The following TTN variants were observed in gnomAD, a reference collection of about 807,000 sequenced individuals.
The protein encoded by TTN is titin, also known as connectin.
A neutral mutation model predicts 3,223.0 loss-of-function variants in TTN; 1,525 were observed. The observed-to-expected ratio is 0.47, with a 90% CI of 0.45 to 0.49. TTN has a LOEUF of 0.49. Ranked by LOEUF, TTN falls within the 20% of genes least tolerant of loss-of-function variation. TTN has a pLI of 0.00. For synonymous variants in TTN, 14,094 were observed against 15,161.0 expected (o/e 0.93, Z 5.17); for missense variants, 40,786 against 43,424.0 (o/e 0.94, Z 5.40).
At chr2:178,663,540 C>A (rs774034492) in intron 171 of TTN, 24 bp from the exon 172 acceptor site, 1 of 1,613,486 alleles carries the variant, frequency 6.2e-7, no homozygotes, top group Non-Finnish European at 8.5e-7. Flanking sequence ...AGTGAAATTA[C>A]ATTTAGGCAT....
At position 178,598,664 on chromosome 2, in the gene TTN, G is replaced by A. The variant is rs1183720113; in HGVS notation, c.56963-10C>T. On this transcript the variant is annotated splice_polypyrimidine_tract_variant and intron_variant, in intron 291 of 362. Transcript: ENST00000589042. ...GGAGGACCAGGAGGGGCTGCAAAGA[G>A]CCAGTATACGTTAGTATTCTTGACT... 4 of 1,600,708 alleles carry A rather than the reference G, an allele frequency of 2.5e-6. No individual in the cohort carries two copies.
intron 142 of TTN, 139 bp from the exon 143 acceptor site, chr2:178,678,969 C>T (rs1375115954): frequency 5.6e-6 from 4 of 710,910 alleles, no homozygotes; most frequent in Non-Finnish European, 9.1e-6. Context: ...ATAATAGCCA[C>T]AAAACAAAGG....
chr2:178,612,057 C>T lies in TTN; in HGVS notation c.50354G>A (p.Arg16785Lys). Residue 16785 changes from arginine (R) to lysine (K), a missense_variant and splice_region_variant, in exon 267 of 363, where the codon AGA (arginine) becomes AAA (lysine). By Grantham distance (26) the Arg-to-Lys change is conservative. Transcript: ENST00000589042. ...CTTTATGAATTAATTCAAATTCTAC[C>T]TCTGTATTGGTCTTCCACCATCATT... is the stretch of plus-strand genomic sequence containing the variant. ...PKNDGGRPIQ[R>K]YVIEKKERLG... The T allele has an allele frequency of 6.2e-7, 1 of 1,607,786 alleles. No individual in the cohort carries two copies. Among genetic ancestry groups the T allele is most frequent in the Non-Finnish European group, 8.5e-7 (1 of 1,177,620 alleles).
rs190491982 is a variant in TTN, at chr2:178,685,512, G to A, written c.32392+6C>T. ...AGGGATAAAACTAATTAAAGAGTCA[G>A]CATACCTTCAGCTGGCTCAGCTTCC... On this transcript the variant is annotated splice_donor_region_variant and intron_variant, in intron 128 of 362. Transcript: ENST00000589042. The A allele has an allele frequency of 1.6e-5, 26 of 1,610,224 alleles. No homozygotes were observed. In the East Asian group the frequency reaches 4.9e-4, roughly 30 times the overall value.
In TTN at chr2:178,775,039, A is replaced by G. The variant is rs777786677; in HGVS notation, c.6672T>C (p.Ser2224=). The change falls in exon 29 of 363, where the codon TCT becomes TCC. Residue 2224 remains serine, a synonymous_variant. Coordinates refer to ENST00000589042, the MANE Select transcript of TTN (RefSeq NM_001267550.2). ...TGGAGAGGAAGTGAACCTTTCTGTC[A>G]GAGTGCATCCTGTATTTATCTCCCT... is the stretch of plus-strand genomic sequence containing the variant. ...VHEGDKYRMH[S]DRKVHFLSIL... The G allele has an allele frequency of 1.2e-6, 2 of 1,614,056 alleles. No individual in the cohort carries two copies. The highest frequency in any genetic ancestry group is 4.5e-5 in the East Asian group (2 of 44,838).
In TTN at chr2:178,533,021, CCTT is replaced by C. The variant is rs775651385; in HGVS notation, c.103591_103593del (p.Lys34531del). 6 of 1,613,784 alleles carry C rather than the reference CCTT, an allele frequency of 3.7e-6. No homozygotes were observed. Among genetic ancestry groups the C allele is most frequent in the East Asian group, 4.5e-5 (2 of 44,868 alleles). On this transcript the variant is annotated inframe_deletion, in exon 358 of 363. Transcript: ENST00000589042. ...TAAGGCATCCGGAGTTTTCTCTCCT[CCTT>C]CTTTTCTTCTATCTCAAGTCTGAAT...
At position 178,616,478 on chromosome 2, in the gene TTN, C is replaced by A. The variant is rs1156777884; in HGVS notation, c.48312+1G>T. 6.2e-7 allele frequency: 1 copy of A among 1,612,042 alleles called. No homozygotes were observed. Reference sequence around the variant, plus strand: ...TTGATGCAGTGCTGCTCAAAACTCACTTTAGTCCATGTTTTCCGGCTGACT... The same window carrying A: ...TTGATGCAGTGCTGCTCAAAACTCAATTTAGTCCATGTTTTCCGGCTGACT... On this transcript the variant is annotated splice_donor_variant, in intron 257 of 362. Coordinates refer to ENST00000589042, the MANE Select transcript of TTN (RefSeq NM_001267550.2). LOFTEE classifies it high-confidence loss of function.
At position 178,729,580 on chromosome 2, in the gene TTN, A is replaced by C. The variant is rs781455893; in HGVS notation, c.18590-14T>G. 12 of 1,611,918 alleles carry C rather than the reference A, an allele frequency of 7.4e-6. No homozygotes were observed. The highest frequency in any genetic ancestry group is 1.0e-5 in the Non-Finnish European group (12 of 1,178,900). ...AGGTGGGGGGTTCTAAAGATTCAAA[A>C]GGAAGACAGTAGCTTACTCAAGGGA... On this transcript the variant is annotated splice_polypyrimidine_tract_variant and intron_variant, in intron 63 of 362. Transcript: ENST00000589042.
At position 178,554,577 on chromosome 2, in the gene TTN, C is replaced by G. The variant is rs879152203; in HGVS notation, c.88770G>C (p.Glu29590Asp). The G allele has an allele frequency of 1.1e-5, 17 of 1,613,722 alleles. No homozygotes were observed. The highest frequency in any genetic ancestry group is 1.4e-5 in the Non-Finnish European group (17 of 1,179,848). The change falls in exon 332 of 363, where the codon GAG becomes GAC. Residue 29590 changes from glutamate (E) to aspartate (D), a missense_variant. Glu to Asp is a conservative substitution (Grantham distance 45). Coordinates refer to ENST00000589042, the MANE Select transcript of TTN (RefSeq NM_001267550.2). ...TAATTTTGGTGGTTGTAATGATGCA[C>G]TCTTCCAAATGTTCAGACACCATAG... ...VWSMVSEHLE[E>D]CIITTTKIIK...
Position 178,612,452 on chromosome 2 carries a change from T to C in TTN, c.50073A>G (p.Arg16691=). ...SPITNYIVEK[R]DVRRKGWQTV... ...TTTGCCAGCCTTTTCGCCTGACGTC[T>C]CTCTTTTCCACAATGTAGTTGGTGA... The change falls in exon 266 of 363, where the codon AGA becomes AGG. Residue 16691 remains arginine (R), a synonymous_variant. Transcript: ENST00000589042. The C allele has an allele frequency of 6.2e-7, 1 of 1,612,494 alleles. No individual in the cohort carries two copies. The highest frequency in any genetic ancestry group is 8.5e-7 in the Non-Finnish European group (1 of 1,179,214).
chr2:178,529,270 C>T, intron 359 of TTN, 51 bp from the exon 360 acceptor site: 1 of 1,305,458 alleles, frequency 7.7e-7, no homozygotes, highest in Non-Finnish European at 1.0e-6. Context: ...AGACCCCCAC[C>T]TTTTACTCTT....
chr2:178,667,164 A>T, intron 162 of TTN, 72 bp downstream of exon 162: 1 of 1,291,352 alleles, frequency 7.7e-7, no homozygotes, highest in Non-Finnish European at 1.1e-6. Context: ...AATGTATATT[A>T]AACATTAAAT....
chr2:178,733,851 G>C lies in TTN; in HGVS notation c.15538C>G (p.Leu5180Val). 1 of 1,608,154 alleles carries C rather than the reference G, an allele frequency of 6.2e-7. No individual in the cohort carries two copies. The highest frequency in any genetic ancestry group is 8.5e-7 in the Non-Finnish European group (1 of 1,175,618). The change falls in exon 53 of 363, where the codon CTA (leucine) becomes GTA (valine). Residue 5180 changes from leucine (L) to valine (V), a missense_variant. By Grantham distance (32) the Leu-to-Val change is conservative. Transcript: ENST00000589042. ...TGCAGGGTAACGGTTTGTCCTCCTAGTGCAATCAAATCATCTACTTTCTTT... is the reference window on the plus strand; with the variant it reads ...TGCAGGGTAACGGTTTGTCCTCCTACTGCAATCAAATCATCTACTTTCTTT... ...FVKKVDDLIA[L>V]GGQTVTLQAA...
chr2:178,592,936 C>T lies in TTN; in HGVS notation c.59183G>A (p.Arg19728Lys). The change falls in exon 300 of 363, where the codon AGA becomes AAA. Residue 19728 changes from arginine (R) to lysine (K), a missense_variant. By Grantham distance (26) the Arg-to-Lys change is conservative. Coordinates refer to ENST00000589042, the MANE Select transcript of TTN (RefSeq NM_001267550.2). ...TGACTCAGGGGTGTGATTGGCTCTT[C>T]TCCACTCTTCATCTCCAACTTTCTG... ...EYQKVGDEEWRRANHTPESCP... is the reference protein window; with the variant it reads ...EYQKVGDEEWKRANHTPESCP... 6.2e-7 allele frequency: 1 copy of T among 1,613,476 alleles called. No homozygotes were observed. The highest frequency in any genetic ancestry group is 8.5e-7 in the Non-Finnish European group (1 of 1,179,576).
At position 178,764,206 on chromosome 2, in the gene TTN, G is replaced by C. The variant is rs2089943424; in HGVS notation, c.10085C>G (p.Ala3362Gly). The C allele has an allele frequency of 6.2e-7, 1 of 1,614,098 alleles. No homozygotes were observed. The highest frequency in any genetic ancestry group is 2.2e-5 in the East Asian group (1 of 44,870). ...TCCAGAAACCCGGCATTGAAAACGGGCTGGCTGCCCTTCAGAAGTGACAGT... is the reference window on the plus strand; with the variant it reads ...TCCAGAAACCCGGCATTGAAAACGGCCTGGCTGCCCTTCAGAAGTGACAGT... ...QDTVTSEGQP[A>G]RFQCRVSGTD... Residue 3362 changes from alanine (A) to glycine (G), a missense_variant, in exon 43 of 363, where the codon GCC becomes GGC. Transcript: ENST00000589042.
intron 127 of TTN, among the ~76,000 whole-genome samples, chr2:178,687,271 T>G (rs1014976614): frequency 6.6e-6 from 1 of 152,232 alleles, no homozygotes; most frequent in Non-Finnish European, 1.5e-5. Flanking sequence ...CTTAGGAACT[T>G]TCTTAGGAAA....
At chr2:178,645,208 A>G (rs1044271015) in intron 217 of TTN, 3 of 152,122 alleles carry the variant, frequency 2.0e-5, no homozygotes, top group Non-Finnish European at 4.4e-5. Context: ...AGAAACTGAT[A>G]TTTTTAAAAT....
rs767234513 is a variant in TTN at position 178,664,804 on chromosome 2, A to C, written c.36118+48T>G. ...AACTAGGAATAGCAAAAATATTCTCAAAACTACAAGAGCTAGTTCTTGACC... is the reference window on the plus strand; with the variant it reads ...AACTAGGAATAGCAAAAATATTCTCCAAACTACAAGAGCTAGTTCTTGACC... On this transcript the variant is annotated intron_variant, in intron 166 of 362. Coordinates refer to ENST00000589042, the MANE Select transcript of TTN (RefSeq NM_001267550.2). 6.2e-6 allele frequency: 10 copies of C among 1,610,092 alleles called. No homozygotes were observed. The East Asian group carries it at 1.8e-4, about 29-fold the overall frequency.
rs1277629300 is a variant in TTN at position 178,594,207 on chromosome 2, G to A, written c.58186C>T (p.Leu19396Phe). ...AAAGCTTCACCAACTCGAATCGTGA[G>A]CTTATCTCTGAAGTCGAGGTGAAGC... The part of the protein sequence containing the change: ...PTLHLDFRDK[L>F]TIRVGEAFAL... Residue 19396 changes from leucine (L) to phenylalanine (F), a missense_variant, in exon 297 of 363, where the codon CTC (leucine) becomes TTC (phenylalanine). By Grantham distance (22) the Leu-to-Phe change is conservative. Transcript: ENST00000589042. The A allele has an allele frequency of 1.2e-6, 2 of 1,613,368 alleles. No individual in the cohort carries two copies. The highest frequency in any genetic ancestry group is 1.7e-5 in the Admixed American group (1 of 59,950).
Sources: allele counts gnomAD v4.1 joint callset (sites outside exome capture counted in the v4.1 genomes callset), GRCh38; gene constraint gnomAD v4.1.1; transcripts MANE v1.5; gene names NCBI Gene and HGNC (gene_info 2026-07-23, HGNC 2026-07-21).